Variants in MAPK10 observed in about 807,000 individuals in gnomAD.
MAPK10 encodes mitogen-activated protein kinase 10.
MAPK10 carries 25 observed loss-of-function variants against 59.3 expected under a neutral mutation model. That is an observed-to-expected ratio of 0.42 (90% CI 0.31 to 0.59). The LOEUF (loss-of-function observed/expected upper bound fraction) is 0.59, where lower values mean the gene tolerates loss of function less well. MAPK10 is among the 20% of genes least tolerant of loss of function. The pLI, the probability that MAPK10 is intolerant of heterozygous loss-of-function variation, is 0.15. For synonymous variants in MAPK10, 190 were observed against 200.5 expected (o/e 0.95, Z 0.44); for missense variants, 351 against 568.9 (o/e 0.62, Z 3.90).
chr4:86,089,710 C>G (rs1288293341), intron 9 of MAPK10, among the ~76,000 whole-genome samples: 1 of 143,142 alleles, frequency 7.0e-6, no homozygotes, highest in Non-Finnish European at 1.6e-5. Flanking sequence ...GAGCTGCCAG[C>G]AACCTCAAAA....
At chr4:86,264,793 C>T (rs2094155403) in intron 2 of MAPK10, among the ~76,000 whole-genome samples, 1 of 151,822 alleles carries the variant, frequency 6.6e-6, no homozygotes, top group African/African-American at 2.4e-5. Flanking sequence ...TAAGACTAAC[C>T]TTGCACCCAT....
intron 9 of MAPK10, among the ~76,000 whole-genome samples, chr4:86,091,666 T>C (rs1435702940): frequency 6.7e-6 from 1 of 150,216 alleles, no homozygotes; most frequent in East Asian, 2.0e-4. Context: ...GTTGGTTCTA[T>C]ACAGTTGTTA....
intron 1 of MAPK10, among the ~76,000 whole-genome samples, chr4:86,550,374 TAAAAAAAAAA>T (rs753508493): frequency 0.065 from 4,966 of 76,940 alleles, 170 homozygotes; most frequent in Non-Finnish European, 0.088. Context: ...GAGCTTCAGT[TAAAAAAAAAA>T]AAAAAAAAAA....
intron 4 of MAPK10, among the ~76,000 whole-genome samples, chr4:86,135,966 A>G (rs1021206275): frequency 5.9e-5 from 9 of 152,176 alleles, no homozygotes; most frequent in Non-Finnish European, 1.0e-4. Context: ...GAAATGAAGC[A>G]AGAAGGGAAG....
chr4:86,503,128 G>C (rs935600232), intron 1 of MAPK10, among the ~76,000 whole-genome samples: 5 of 151,928 alleles, frequency 3.3e-5, no homozygotes. Context: ...CAAAGTTAAG[G>C]GTATCATCTT....
At chr4:86,381,814 TGG>T (rs1740756139) in intron 1 of MAPK10, among the ~76,000 whole-genome samples, 1 of 152,064 alleles carries the variant, frequency 6.6e-6, no homozygotes, top group African/African-American at 2.4e-5. Flanking sequence ...GGAATCACAG[TGG>T]ATAGTGCTTA....
chr4:86,205,079 C>A (rs769107137), intron 2 of MAPK10, among the ~76,000 whole-genome samples: 2 of 151,800 alleles, frequency 1.3e-5, no homozygotes, highest in Non-Finnish European at 2.9e-5. Flanking sequence ...AAAAATTAAG[C>A]TATAAGCTAT....
At chr4:86,410,578 G>A (rs558282650) in intron 1 of MAPK10, among the ~76,000 whole-genome samples, 2 of 152,236 alleles carry the variant, frequency 1.3e-5, no homozygotes, top group African/African-American at 4.8e-5. Flanking sequence ...ATCAGTTTCA[G>A]TACCTGTTAT....
intron 1 of MAPK10, among the ~76,000 whole-genome samples, chr4:86,372,096 CAT>C (rs1738855675): frequency 6.6e-6 from 1 of 152,202 alleles, no homozygotes; most frequent in African/African-American, 2.4e-5. Flanking sequence ...CTCAGCACCA[CAT>C]GATACTTATT....
At chr4:86,405,812 T>C (rs1744290023) in intron 1 of MAPK10, among the ~76,000 whole-genome samples, 1 of 152,188 alleles carries the variant, frequency 6.6e-6, no homozygotes, top group Non-Finnish European at 1.5e-5. Flanking sequence ...AGCTGTCTTG[T>C]GAGAATTGAG....
chr4:86,556,099 C>A (rs1222140251), intron 1 of MAPK10, among the ~76,000 whole-genome samples: 3 of 152,178 alleles, frequency 2.0e-5, no homozygotes, highest in African/African-American at 7.2e-5. Flanking sequence ...ACCTCCTGTG[C>A]CGTTTCAGAA....
intron 9 of MAPK10, among the ~76,000 whole-genome samples, chr4:86,082,936 G>A (rs1053770005): frequency 6.6e-6 from 1 of 152,140 alleles, no homozygotes; most frequent in Non-Finnish European, 1.5e-5. Flanking sequence ...CATGCTGTCA[G>A]GCAAAATACC....
chr4:86,536,645 C>T (rs1216679221), intron 1 of MAPK10, among the ~76,000 whole-genome samples: 1 of 152,078 alleles, frequency 6.6e-6, no homozygotes, highest in African/African-American at 2.4e-5. Flanking sequence ...CTACTACTAT[C>T]TTCAAAAATA....
At chr4:86,300,256 G>A (rs2095444056) in intron 2 of MAPK10, among the ~76,000 whole-genome samples, 1 of 152,150 alleles carries the variant, frequency 6.6e-6, no homozygotes. Context: ...AGTTTTAAAA[G>A]TGAAATGCTT....
intron 2 of MAPK10, among the ~76,000 whole-genome samples, chr4:86,236,830 A>C (rs1440086693): frequency 6.6e-6 from 1 of 152,208 alleles, no homozygotes; most frequent in Non-Finnish European, 1.5e-5. Flanking sequence ...TCTTCAGGAA[A>C]AGGAGGAAAC....
rs889145422 is a variant in MAPK10 at position 86,578,814 on chromosome 4, G to A, written c.-263+15096C>T. ...TCTTGATTGACGTCTTGCACCTCAA[G>A]TTCCAACTTGTGACATAATGAAGCA... On this transcript the variant is annotated intron_variant, in intron 1 of 4. Transcript: ENST00000502302. Among the ~76,000 whole-genome samples, 6 of 151,712 alleles carry A rather than the reference G, an allele frequency of 4.0e-5. 1 individual carries two copies. The Middle Eastern group carries it at 0.02, about 516-fold the overall frequency.
intron 1 of MAPK10, among the ~76,000 whole-genome samples, chr4:86,509,759 A>G (rs1756073797): frequency 6.6e-6 from 1 of 152,198 alleles, no homozygotes; most frequent in South Asian, 2.1e-4. Context: ...ATTAGGGAAA[A>G]TAACACTTAT....
intron 2 of MAPK10, among the ~76,000 whole-genome samples, chr4:86,318,484 TTAAAG>T (rs2095831676): frequency 6.6e-6 from 1 of 152,146 alleles, no homozygotes; most frequent in Non-Finnish European, 1.5e-5. Flanking sequence ...CCCATGCGTT[TTAAAG>T]TATAGATTTA....
chr4:86,048,955 TTTC>T (rs1251918951), intron 11 of MAPK10, among the ~76,000 whole-genome samples: 2 of 152,116 alleles, frequency 1.3e-5, no homozygotes, highest in Non-Finnish European at 2.9e-5. Flanking sequence ...TAATGAAGTC[TTTC>T]AATCAAGCAT....
Sources: allele counts gnomAD v4.1 joint callset (sites outside exome capture counted in the v4.1 genomes callset), GRCh38; gene constraint gnomAD v4.1.1; transcripts MANE v1.5; gene names NCBI Gene and HGNC (gene_info 2026-07-23, HGNC 2026-07-21).